The following ATG7 variants were observed in gnomAD, a reference collection of about 807,000 sequenced individuals.
ATG7 encodes the protein ubiquitin-like modifier-activating enzyme ATG7.
Under a neutral mutation model 82.4 loss-of-function variants are expected in ATG7, and 70 were observed. The ratio of observed to expected loss-of-function variants is 0.85; its 90% confidence interval spans 0.70 to 1.04. ATG7 has a LOEUF of 1.04. Among genes scored for constraint, ATG7 ranks in the 50% least tolerant of loss-of-function variants. The pLI is 0.00. For synonymous variants in ATG7, 287 were observed against 313.0 expected (o/e 0.92, Z 0.88); for missense variants, 792 against 864.3 (o/e 0.92, Z 1.05).
intron 20 of ATG7, among the ~76,000 whole-genome samples, chr3:11,546,028 C>T (rs1254362169): frequency 6.6e-6 from 1 of 152,062 alleles, no homozygotes; most frequent in Non-Finnish European, 1.5e-5. Context: ...GTCCCAACTA[C>T]TAAGGAGGCT....
intron 20 of ATG7, among the ~76,000 whole-genome samples, chr3:11,472,113 C>T (rs546455325): frequency 3.3e-5 from 5 of 152,288 alleles, no homozygotes; most frequent in East Asian, 1.9e-4. Context: ...GTTAGACTCT[C>T]ACACAGATTT....
intron 3 of ATG7, among the ~76,000 whole-genome samples, chr3:11,290,149 CT>C (rs753057878): frequency 6.6e-6 from 1 of 152,204 alleles, no homozygotes; most frequent in Non-Finnish European, 1.5e-5. Context: ...ACAGAAGTAA[CT>C]AGTTGTTCTT....
chr3:11,319,174 C>A (rs886465737), intron 9 of ATG7, among the ~76,000 whole-genome samples: 2 of 152,192 alleles, frequency 1.3e-5, no homozygotes, highest in African/African-American at 4.8e-5. Context: ...CAGGGCCGAA[C>A]CCTAGAGAAA....
intron 20 of ATG7, among the ~76,000 whole-genome samples, chr3:11,488,025 T>C (rs373158505): frequency 0.099 from 303 of 3,076 alleles, 7 homozygotes; most frequent in South Asian, 0.15. Context: ...GGGGCAGAGG[T>C]GCTCCCCACA....
At chr3:11,573,340 A>C in the ATG7 span, among the ~76,000 whole-genome samples, 11 of 92,272 alleles carry the variant, frequency 1.2e-4, no homozygotes, top group Admixed American at 3.3e-4. Flanking sequence ...AGAAAGAAAG[A>C]AAGAAAGAAA....
intron 1 of ATG7, among the ~76,000 whole-genome samples, chr3:11,280,391 G>T (rs1942834992): frequency 6.6e-6 from 1 of 152,170 alleles, no homozygotes; most frequent in African/African-American, 2.4e-5. Context: ...TAACAGAAGA[G>T]GAAACAGACT....
At chr3:11,538,324 C>T (rs1039989689) in intron 20 of ATG7, among the ~76,000 whole-genome samples, 1 of 152,164 alleles carries the variant, frequency 6.6e-6, no homozygotes, top group African/African-American at 2.4e-5. Context: ...AGGGATAGCT[C>T]TCTTGGCAAA....
intron 20 of ATG7, among the ~76,000 whole-genome samples, chr3:11,518,920 T>A (rs2092358720): frequency 6.6e-6 from 1 of 152,252 alleles, no homozygotes; most frequent in Non-Finnish European, 1.5e-5. Flanking sequence ...AAAAGACCTG[T>A]TGATCTCAGA....
At chr3:11,326,994 G>C (rs1046225791) in intron 9 of ATG7, among the ~76,000 whole-genome samples, 1 of 152,198 alleles carries the variant, frequency 6.6e-6, no homozygotes, top group African/African-American at 2.4e-5. Flanking sequence ...AGTTTTGTAT[G>C]GAAGCTTCAG....
At chr3:11,418,778 G>C (rs1332033791) in intron 19 of ATG7, among the ~76,000 whole-genome samples, 1 of 152,180 alleles carries the variant, frequency 6.6e-6, no homozygotes, top group African/African-American at 2.4e-5. Context: ...ATAAAGAAAA[G>C]AGGTTTAATT....
At chr3:11,329,054 C>T (rs942949191) in intron 9 of ATG7, among the ~76,000 whole-genome samples, 6 of 152,292 alleles carry the variant, frequency 3.9e-5, no homozygotes, top group African/African-American at 1.2e-4. Flanking sequence ...GAGATCGTGC[C>T]GCTGCACTCC....
rs113632730 is a variant in ATG7, at chr3:11,333,265, C to T, written c.889+172C>T. Among the ~76,000 whole-genome samples, 992 of 152,288 alleles carry T rather than the reference C, an allele frequency of 6.5e-3. 9 individuals carry two copies. Among genetic ancestry groups the T allele is most frequent in the African/African-American group, 0.023 (942 of 41,562 alleles). ...CGAACAGAGGGCATGCTCTGCTATT[C>T]AGACTGGAACAAAGGCAAAGATTGT... is the stretch of plus-strand genomic sequence containing the variant. On this transcript the variant is annotated intron_variant, in intron 11 of 20. Transcript: ENST00000693202.
intron 20 of ATG7, among the ~76,000 whole-genome samples, chr3:11,531,223 G>C (rs146192336): frequency 2.6e-5 from 4 of 152,220 alleles, no homozygotes; most frequent in East Asian, 3.9e-4. Context: ...AAGAAGGGGG[G>C]GCTGTGCAGG....
At chr3:11,542,810 G>A (rs1040186803) in intron 20 of ATG7, among the ~76,000 whole-genome samples, 7 of 152,176 alleles carry the variant, frequency 4.6e-5, no homozygotes, top group South Asian at 2.1e-4. Context: ...CGTTTGGAAC[G>A]GCTGAGCATA....
intron 14 of ATG7, among the ~76,000 whole-genome samples, chr3:11,351,242 A>G (rs765550013): frequency 6.6e-6 from 1 of 152,210 alleles, no homozygotes; most frequent in African/African-American, 2.4e-5. Flanking sequence ...GTCATTAACA[A>G]ATAATTTCAC....
intron 20 of ATG7, chr3:11,510,422 A>G: frequency 2.6e-6 from 1 of 382,586 alleles, no homozygotes; most frequent in Non-Finnish European, 5.2e-6. Flanking sequence ...ACTGAACCAA[A>G]GGGCCTCATT....
intron 19 of ATG7, among the ~76,000 whole-genome samples, chr3:11,401,277 T>C (rs2079810647): frequency 6.6e-6 from 1 of 152,244 alleles, no homozygotes; most frequent in Non-Finnish European, 1.5e-5. Flanking sequence ...TTTTGTAGAA[T>C]GACTTTAGAA....
intron 18 of ATG7, among the ~76,000 whole-genome samples, chr3:11,365,529 A>ATG (rs2076542892): frequency 6.6e-6 from 1 of 151,962 alleles, no homozygotes; most frequent in South Asian, 2.1e-4. Flanking sequence ...TTTAGATTCC[A>ATG]TGTATGTATC....
At chr3:11,482,994 A>G (rs1030173844) in intron 20 of ATG7, among the ~76,000 whole-genome samples, 5 of 151,952 alleles carry the variant, frequency 3.3e-5, no homozygotes, top group South Asian at 2.1e-4. Flanking sequence ...TCTGACCTCT[A>G]TCACCCTAGT....
Sources: allele counts gnomAD v4.1 joint callset (sites outside exome capture counted in the v4.1 genomes callset), GRCh38; gene constraint gnomAD v4.1.1; transcripts MANE v1.5; gene names NCBI Gene and HGNC (gene_info 2026-07-23, HGNC 2026-07-21).